Variants in MDGA2 observed in about 807,000 individuals in gnomAD.
MDGA2 encodes MAM domain-containing glycosylphosphatidylinositol anchor protein 2.
Under a neutral mutation model 117.8 loss-of-function variants are expected in MDGA2, and 40 were observed. The ratio of observed to expected loss-of-function variants is 0.34; its 90% CI spans 0.26 to 0.44. MDGA2 has a LOEUF of 0.44. Among genes scored for constraint, MDGA2 ranks in the 20% least tolerant of loss-of-function variants. The pLI, the probability that MDGA2 is intolerant of heterozygous loss-of-function variation, is 1.00. For synonymous variants in MDGA2, 452 were observed against 439.0 expected (o/e 1.03, Z -0.37); for missense variants, 1,123 against 1,250.6 (o/e 0.90, Z 1.54).
intron 1 of MDGA2, among the ~76,000 whole-genome samples, chr14:47,620,702 C>A (rs988968506): frequency 6.6e-6 from 1 of 152,198 alleles, no homozygotes; most frequent in Admixed American, 6.5e-5. Context: ...CATTGTATGG[C>A]TCAAATACAG....
chr14:47,576,335 T>A (rs984197250), intron 1 of MDGA2, among the ~76,000 whole-genome samples: 2 of 151,890 alleles, frequency 1.3e-5, no homozygotes, highest in Non-Finnish European at 2.9e-5. Context: ...CATAATGGAG[T>A]TTTAATGTGA....
intron 3 of MDGA2, among the ~76,000 whole-genome samples, chr14:47,180,280 T>TAG (rs1368655518): frequency 2.6e-5 from 4 of 152,130 alleles, no homozygotes; most frequent in African/African-American, 9.7e-5. Flanking sequence ...TAAAAGGAGA[T>TAG]AGGCACAGGC....
chr14:47,024,845 T>C (rs1250097486), intron 8 of MDGA2, among the ~76,000 whole-genome samples: 1 of 152,182 alleles, frequency 6.6e-6, no homozygotes, highest in African/African-American at 2.4e-5. Context: ...AGAACCTTTA[T>C]TTTTGCTTAT....
chr14:46,966,493 C>T (rs914951939), intron 8 of MDGA2, among the ~76,000 whole-genome samples: 1 of 152,166 alleles, frequency 6.6e-6, no homozygotes, highest in Admixed American at 6.5e-5. Flanking sequence ...AAAAGTCATG[C>T]TTTGTGGAAA....
chr14:47,160,738 C>T (rs752292586), intron 3 of MDGA2, among the ~76,000 whole-genome samples: 66 of 152,248 alleles, frequency 4.3e-4, no homozygotes, highest in Non-Finnish European at 3.1e-4. Context: ...CATTGAGAAT[C>T]AATTAAATTC....
chr14:47,066,968 A>T (rs1029640171), intron 6 of MDGA2, among the ~76,000 whole-genome samples: 19 of 152,052 alleles, frequency 1.2e-4, no homozygotes, highest in African/African-American at 4.1e-4. Flanking sequence ...ACAAAAAATT[A>T]GCTAGGCGTG....
chr14:47,055,200 T>C (rs1185766144), intron 7 of MDGA2, among the ~76,000 whole-genome samples: 1 of 152,018 alleles, frequency 6.6e-6, no homozygotes, highest in Non-Finnish European at 1.5e-5. Flanking sequence ...CTTAAGAATG[T>C]CTTTTGAAAT....
chr14:47,486,356 G>A (rs1357971575), intron 1 of MDGA2, among the ~76,000 whole-genome samples: 1 of 152,168 alleles, frequency 6.6e-6, no homozygotes, highest in Non-Finnish European at 1.5e-5. Context: ...TTTACCCAAT[G>A]CCTGTACCTC....
At chr14:47,534,103 G>A (rs922472137) in intron 1 of MDGA2, among the ~76,000 whole-genome samples, 1 of 151,962 alleles carries the variant, frequency 6.6e-6, no homozygotes, top group Non-Finnish European at 1.5e-5. Context: ...GTATCCAATG[G>A]GTGAGACATG....
At chr14:47,170,808 A>G (rs1314049848) in intron 3 of MDGA2, among the ~76,000 whole-genome samples, 2 of 152,128 alleles carry the variant, frequency 1.3e-5, no homozygotes, top group African/African-American at 4.8e-5. Context: ...TTCAAAACCA[A>G]TTTTGATTCA....
intron 1 of MDGA2, among the ~76,000 whole-genome samples, chr14:47,477,421 T>G (rs1219406162): frequency 6.6e-6 from 1 of 152,112 alleles, no homozygotes; most frequent in Non-Finnish European, 1.5e-5. Context: ...GAAGACTGAA[T>G]GCACGATATG....
At chr14:47,176,437 T>C (rs1485805849) in intron 3 of MDGA2, among the ~76,000 whole-genome samples, 3 of 152,186 alleles carry the variant, frequency 2.0e-5, no homozygotes, top group East Asian at 3.9e-4. Flanking sequence ...AGCATGGTAC[T>C]GGTACCAAAA....
At chr14:47,047,994 G>T (rs968282649) in intron 7 of MDGA2, among the ~76,000 whole-genome samples, 1 of 152,006 alleles carries the variant, frequency 6.6e-6, no homozygotes, top group Non-Finnish European at 1.5e-5. Flanking sequence ...TCCAAGGAAA[G>T]AAGATTGCAT....
At chr14:47,250,467 C>T (rs1887408238) in intron 2 of MDGA2, among the ~76,000 whole-genome samples, 1 of 152,102 alleles carries the variant, frequency 6.6e-6, no homozygotes, top group African/African-American at 2.4e-5. Flanking sequence ...AAACGTAATT[C>T]CCAATGTGAT....
intron 1 of MDGA2, among the ~76,000 whole-genome samples, chr14:47,630,294 G>T (rs1310086246): frequency 6.6e-6 from 1 of 151,984 alleles, no homozygotes; most frequent in Non-Finnish European, 1.5e-5. Context: ...AGCAATAAAA[G>T]TTTCAATAGG....
intron 1 of MDGA2, among the ~76,000 whole-genome samples, chr14:47,603,545 TA>T (rs1896685460): frequency 6.6e-6 from 1 of 152,242 alleles, no homozygotes; most frequent in Non-Finnish European, 1.5e-5. Context: ...CAAATACTTT[TA>T]TTTTGTCCAA....
chr14:46,865,873 T>C (rs1267515145), intron 14 of MDGA2, among the ~76,000 whole-genome samples: 3 of 151,222 alleles, frequency 2.0e-5, no homozygotes, highest in African/African-American at 7.3e-5. Context: ...TACAAACCAC[T>C]GCTCAATGAA....
chr14:47,231,291 A>G (rs767191239), intron 2 of MDGA2, among the ~76,000 whole-genome samples: 13 of 152,070 alleles, frequency 8.5e-5, no homozygotes, highest in Admixed American at 1.3e-4. Flanking sequence ...TAAGAGTCAC[A>G]TTAACTAAGT....
Position 46,995,024 on chromosome 14 carries a change from C to A in MDGA2, c.1820-37381G>T, listed in dbSNP as rs552165215. ...AATAAAAAATTTGGAATTCTGAATT[C>A]TAAGTTTATCTTGTTTAGTACAGAG... is the stretch of plus-strand genomic sequence containing the variant. On this transcript the variant is annotated intron_variant, in intron 8 of 16. Coordinates refer to ENST00000399232, the MANE Select transcript of MDGA2 (RefSeq NM_001113498.3). 2.1e-4 allele frequency among the ~76,000 whole-genome samples: 32 copies of A among 152,024 alleles called. No individual in the cohort carries two copies. The South Asian group carries it at 6.4e-3, about 31-fold the overall frequency.
Sources: allele counts gnomAD v4.1 joint callset (sites outside exome capture counted in the v4.1 genomes callset), GRCh38; gene constraint gnomAD v4.1.1; transcripts MANE v1.5; gene names NCBI Gene and HGNC (gene_info 2026-07-23, HGNC 2026-07-21).